Variants in C21orf58 observed in about 807,000 individuals in gnomAD.
C21orf58 encodes the protein uncharacterized protein C21orf58.
A neutral mutation model predicts 35.8 loss-of-function variants in C21orf58; 34 were observed. The observed-to-expected ratio is 0.95, with a 90% confidence interval of 0.72 to 1.26. The LOEUF (loss-of-function observed/expected upper bound fraction) is 1.26. C21orf58 is among the 50% of genes most tolerant of loss of function. The pLI, the probability that C21orf58 is intolerant of heterozygous loss-of-function variation, is 0.00. For synonymous variants in C21orf58, 191 were observed against 175.8 expected, an observed-to-expected ratio of 1.09 and a Z score of -0.68; for missense variants, 440 against 414.3, an observed-to-expected ratio of 1.06 and a Z score of -0.54.
intron 6 of C21orf58, among the ~76,000 whole-genome samples, chr21:46,303,728 TA>T (rs2082252527): frequency 1.5e-4 from 4 of 26,822 alleles, no homozygotes; most frequent in Admixed American, 4.6e-4. Context: ...TATATATATA[TA>T]TATATATATA....
At chr21:46,300,551 C>G (rs999728955), downstream of C21orf58, 15 of 766,568 alleles carry the variant, frequency 2.0e-5, no homozygotes, top group South Asian at 5.8e-5. Context: ...TCTCTGGAAT[C>G]ACCTTCAAGA....
rs147339369 is a variant in C21orf58, at chr21:46,307,448, CCA to C, written c.721+4006_721+4007del. ...CATACAAGCATAGGCACACACACACCCACACACACACCCCTACCTCAGTGTGC... is the reference window on the plus strand; with the variant it reads ...CATACAAGCATAGGCACACACACACCCACACACACCCCTACCTCAGTGTGC... On this transcript the variant is annotated intron_variant, in intron 6 of 7. Transcript: ENST00000291691. Among the ~76,000 whole-genome samples the C allele has an allele frequency of 8.1e-3, 1,234 of 151,972 alleles. 19 individuals carry two copies. The highest frequency in any genetic ancestry group is 0.028 in the African/African-American group (1,166 of 41,454).
intron 5 of C21orf58, 94 bp from the exon 6 acceptor site, chr21:46,311,661 A>C: frequency 7.1e-6 from 4 of 564,908 alleles, no homozygotes; most frequent in South Asian, 3.1e-5. Context: ...CCATCCAACC[A>C]ACCAACCAAC....
intron 6 of C21orf58, among the ~76,000 whole-genome samples, chr21:46,303,708 A>AATATAT (rs1356861977): frequency 5.4e-5 from 2 of 37,274 alleles, no homozygotes; most frequent in African/African-American, 2.1e-4. Flanking sequence ...ACACACACAA[A>AATATAT]ATATATATAT....
intron 5 of C21orf58, among the ~76,000 whole-genome samples, chr21:46,314,484 G>C (rs1034383449): frequency 6.6e-6 from 1 of 152,190 alleles, no homozygotes; most frequent in African/African-American, 2.4e-5. Context: ...CAGGGCTGGG[G>C]TTTGGGAGAC....
chr21:46,315,619 G>A, intron 3 of C21orf58, 72 bp from the exon 4 acceptor site: 3 of 992,190 alleles, frequency 3.0e-6, no homozygotes, highest in East Asian at 2.4e-5. Flanking sequence ...GGACTGGATG[G>A]TACTGCACCC....
Position 46,301,858 on chromosome 21 carries a change from G to A in C21orf58, c.*141C>T. ...AGCCTGCCCAGCTTCCCCAGGAGGA[G>A]CCTGCAGTCCACACTCGCGTAGCCA... is the stretch of plus-strand genomic sequence containing the variant. On this transcript the variant is annotated 3_prime_UTR_variant, in exon 8 of 8. Coordinates refer to ENST00000291691, the MANE Select transcript of C21orf58 (RefSeq NM_058180.5). The A allele has an allele frequency of 7.8e-7, 1 of 1,281,480 alleles. No individual in the cohort carries two copies. The highest frequency in any genetic ancestry group is 9.8e-7 in the Non-Finnish European group (1 of 1,016,336). 79.4% of individuals were successfully genotyped at this position (1,281,480 alleles called of 1,614,324 possible). A position where few individuals can be genotyped will look rare whatever the true frequency, so the allele number is the denominator to read the frequency against.
At chr21:46,316,543 T>A (rs2082984101) in intron 3 of C21orf58, among the ~76,000 whole-genome samples, 1 of 152,240 alleles carries the variant, frequency 6.6e-6, no homozygotes, top group Non-Finnish European at 1.5e-5. Context: ...TCTGGCCTCC[T>A]TTCCCTTAGG....
chr21:46,313,946 T>A (rs2082856680), intron 5 of C21orf58, among the ~76,000 whole-genome samples: 1 of 152,128 alleles, frequency 6.6e-6, no homozygotes, highest in African/African-American at 2.4e-5. Flanking sequence ...CCAGCTTCCA[T>A]CCCACCTCTG....
At chr21:46,321,563 G>A (rs2083156784) in intron 1 of C21orf58, among the ~76,000 whole-genome samples, 1 of 152,198 alleles carries the variant, frequency 6.6e-6, no homozygotes, top group East Asian at 1.9e-4. Context: ...GTACTGGGCA[G>A]ATATTTTGAA....
intron 1 of C21orf58, chr21:46,318,470 C>T (rs2083056297): frequency 7.2e-7 from 1 of 1,392,884 alleles, no homozygotes; most frequent in Non-Finnish European, 9.3e-7. Flanking sequence ...AACCCTCAGA[C>T]CTGGGGGAAG....
rs563533260 is a variant in C21orf58, at chr21:46,310,440, T to C, written c.721+1016A>G. Among the ~76,000 whole-genome samples the C allele has an allele frequency of 4.6e-5, 7 of 150,672 alleles. No homozygotes were observed. In the East Asian group the frequency reaches 5.8e-4, roughly 13 times the overall value. On this transcript the variant is annotated intron_variant, in intron 6 of 7. Coordinates refer to ENST00000291691, the MANE Select transcript of C21orf58 (RefSeq NM_058180.5). ...GTTGCAGTGAGCCAAGATGGCGCCA[T>C]TGCACTCCTATCTGTGCAACAAGAG...
Position 46,323,557 on chromosome 21 carries a change from G to A in C21orf58, c.-819C>T, listed in dbSNP as rs1030464428. ...CTTCTCTGAAGACCCAGGACCCCCG[G>A]CCGAGGGGGCGCATTCGGCGGGCTG... On this transcript the variant is annotated 5_prime_UTR_variant, in exon 1 of 8. Coordinates refer to ENST00000291691, the MANE Select transcript of C21orf58 (RefSeq NM_058180.5). 6.5e-6 allele frequency: 1 copy of A among 153,584 alleles called. No homozygotes were observed. The highest frequency in any genetic ancestry group is 1.9e-4 in the East Asian group (1 of 5,196). 9.5% of individuals were successfully genotyped at this position (153,584 alleles called of 1,614,324 possible).
chr21:46,312,353 T>C (rs1357087997), intron 5 of C21orf58, among the ~76,000 whole-genome samples: 11 of 152,108 alleles, frequency 7.2e-5, no homozygotes, highest in Non-Finnish European at 2.9e-5. Context: ...AGTCTTGCTC[T>C]TGTCGCCCAG....
At chr21:46,304,924 A>T (rs1485773574) in intron 6 of C21orf58, among the ~76,000 whole-genome samples, 1 of 152,236 alleles carries the variant, frequency 6.6e-6, no homozygotes, top group Non-Finnish European at 1.5e-5. Context: ...CCTTGAGGAC[A>T]TCACACTAAG....
chr21:46,317,791 C>T (rs550795623), intron 2 of C21orf58, among the ~76,000 whole-genome samples: 12 of 152,378 alleles, frequency 7.9e-5, no homozygotes, highest in Non-Finnish European at 1.8e-4. Flanking sequence ...TCCCCAGACC[C>T]TGTGCTCAGT....
rs533281423 is a variant in C21orf58, at chr21:46,301,823, C to A, written c.*176G>T. On this transcript the variant is annotated 3_prime_UTR_variant, in exon 8 of 8. Transcript: ENST00000291691. ...GATGCCCCCTGGAATGGCCCCGTGA[C>A]CAGAAAGCGAGCCTGCCCAGCTTCC... 205 of 1,262,782 alleles carry A rather than the reference C, an allele frequency of 1.6e-4. No individual in the cohort carries two copies. The highest frequency in any genetic ancestry group is 9.4e-4 in the Admixed American group (23 of 24,400). The allele number at this position is 1,262,782 out of a possible 1,614,324, so 78.2% of individuals were successfully genotyped here.
rs764518860 is a variant in C21orf58 at position 46,302,548 on chromosome 21, G to T, written c.750C>A (p.Asn250Lys). Residue 250 changes from asparagine to lysine, a missense_variant, in exon 7 of 8, where the codon AAC becomes AAA. Transcript: ENST00000291691. ...EDMVELLLLQNAQVHQLVLQN... is the reference protein window; with the variant it reads ...EDMVELLLLQKAQVHQLVLQN... Reference sequence around the variant, plus strand: ...GCAGGACCAACTGGTGCACCTGTGCGTTCTGCAGCAGCAGCAGCTCCACCA... The same window carrying T: ...GCAGGACCAACTGGTGCACCTGTGCTTTCTGCAGCAGCAGCAGCTCCACCA... 6.2e-7 allele frequency: 1 copy of T among 1,612,430 alleles called. No homozygotes were observed. Among genetic ancestry groups the T allele is most frequent in the African/African-American group, 1.3e-5 (1 of 74,896 alleles).
At position 46,302,047 on chromosome 21, in the gene C21orf58, G is replaced by C; in HGVS notation, c.921C>G (p.Ala307=). 2 of 1,531,466 alleles carry C rather than the reference G, an allele frequency of 1.3e-6. No homozygotes were observed. Among genetic ancestry groups the C allele is most frequent in the African/African-American group, 2.8e-5 (2 of 72,158 alleles). The allele number at this position is 1,531,466 out of a possible 1,614,324, so 94.9% of individuals were successfully genotyped here. The change falls in exon 8 of 8, where the codon GCC becomes GCG. Residue 307 remains alanine (A), a synonymous_variant. Coordinates refer to ENST00000291691, the MANE Select transcript of C21orf58 (RefSeq NM_058180.5). ...GGCTGGGGGCGGGCTGGAGGACAGT[G>C]GCAGCCCCAGGTGGCCACACAGCAT... ...HHHAVWPPGA[A]TVLQPAPSLW...
Sources: gnomAD v4.1 joint callset for allele counts (sites outside exome capture counted in the v4.1 genomes callset) on GRCh38, gnomAD v4.1.1 for gene constraint, MANE v1.5 for transcripts, NCBI Gene and HGNC (gene_info 2026-07-23, HGNC 2026-07-21) for gene names.